TM4SF18: variants seen among roughly 807,000 people sequenced by gnomAD.
TM4SF18 encodes transmembrane 4 L six family member 18, also known as transmembrane 4 L6 family member 18.
TM4SF18 carries 22 observed loss-of-function variants against 23.8 expected under a neutral mutation model. The ratio of observed to expected loss-of-function variants is 0.92; its 90% CI spans 0.66 to 1.32. The LOEUF (loss-of-function observed/expected upper bound fraction) is 1.32. Ranked by LOEUF, TM4SF18 falls within the 40% of genes most tolerant of loss-of-function variation. The pLI, the probability that TM4SF18 is intolerant of heterozygous loss-of-function variation, is 0.00. For missense variants in TM4SF18, 255 were observed against 240.3 expected (o/e 1.06, Z -0.41); for synonymous variants, 87 against 87.9 (o/e 0.99, Z 0.06).
chr3:149,323,830 A>G (rs565096525), intron 4 of TM4SF18, among the ~76,000 whole-genome samples: 2 of 152,290 alleles, frequency 1.3e-5, no homozygotes, highest in South Asian at 4.1e-4. Flanking sequence ...AAAAAGAGCC[A>G]TATTTTTCTT....
At position 149,321,450 on chromosome 3, in the gene TM4SF18, T is replaced by G. The variant is rs1478097810; in HGVS notation, c.*28A>C. The G allele has an allele frequency of 1.3e-6, 2 of 1,535,588 alleles. No homozygotes were observed. Among genetic ancestry groups the G allele is most frequent in the Non-Finnish European group, 1.8e-6 (2 of 1,125,614 alleles). On this transcript the variant is annotated 3_prime_UTR_variant, in exon 6 of 6. Coordinates refer to ENST00000296059, the MANE Select transcript of TM4SF18 (RefSeq NM_138786.4). ...TAATATTTAGATAGATGGCCATGTCTTGATAATGGAAAACATTTTGTCCTT... is the reference window on the plus strand; with the variant it reads ...TAATATTTAGATAGATGGCCATGTCGTGATAATGGAAAACATTTTGTCCTT...
At position 149,318,505 on chromosome 3, in the gene TM4SF18, T is replaced by C. The variant is rs1326290940; in HGVS notation, c.*2973A>G. 1 of 152,214 alleles carries C rather than the reference T, an allele frequency of 6.6e-6. No homozygotes were observed. The highest frequency in any genetic ancestry group is 1.9e-4 in the East Asian group (1 of 5,206). The allele number at this position is 152,214 out of a possible 1,614,324, so 9.4% of individuals were successfully genotyped here. ...GAAAGAATTAGAGGACCATTGCTTTTTAAATGACATTTATTTTTTCTAATA... is the reference window on the plus strand; with the variant it reads ...GAAAGAATTAGAGGACCATTGCTTTCTAAATGACATTTATTTTTTCTAATA... On this transcript the variant is annotated 3_prime_UTR_variant, in exon 6 of 6. Coordinates refer to ENST00000296059, the MANE Select transcript of TM4SF18 (RefSeq NM_138786.4).
At chr3:149,328,635 A>C (rs1468084003) in intron 3 of TM4SF18, among the ~76,000 whole-genome samples, 1 of 152,186 alleles carries the variant, frequency 6.6e-6, no homozygotes, top group Non-Finnish European at 1.5e-5. Flanking sequence ...TTTACTTTCT[A>C]CTGAAAACTG....
At chr3:149,325,294 A>G (rs543940053) in intron 3 of TM4SF18, among the ~76,000 whole-genome samples, 24 of 152,334 alleles carry the variant, frequency 1.6e-4, no homozygotes, top group Non-Finnish European at 2.5e-4. Flanking sequence ...TATCAAAATA[A>G]TGATCTCCTC....
Position 149,333,273 on chromosome 3 carries a change from T to A in TM4SF18, c.110A>T (p.Tyr37Phe), listed in dbSNP as rs763404743. ...LLYFPNGQTSYASSNKLTNYV... is the reference protein window; with the variant it reads ...LLYFPNGQTSFASSNKLTNYV... ...GTTGGTGAGTTTATTGCTGGATGCA[T>A]AGGAAGTTTGCCCATTCGGGAAATA... Residue 37 changes from tyrosine (Y) to phenylalanine (F), a missense_variant, in exon 2 of 6, where the codon TAT (tyrosine) becomes TTT (phenylalanine). Tyr to Phe is a conservative substitution (Grantham distance 22, BLOSUM62 3). Coordinates refer to ENST00000296059, the MANE Select transcript of TM4SF18 (RefSeq NM_138786.4). The A allele has an allele frequency of 6.2e-7, 1 of 1,613,962 alleles. No homozygotes were observed. Among genetic ancestry groups the A allele is most frequent in the Non-Finnish European group, 8.5e-7 (1 of 1,179,920 alleles).
chr3:149,326,463 G>A (rs752457833), intron 3 of TM4SF18, among the ~76,000 whole-genome samples: 3 of 152,040 alleles, frequency 2.0e-5, no homozygotes, highest in Admixed American at 6.6e-5. Context: ...TTTTCCTCTT[G>A]GCAATTAGTA....
intron 4 of TM4SF18, among the ~76,000 whole-genome samples, chr3:149,322,945 C>T (rs1171550951): frequency 7.2e-6 from 1 of 139,096 alleles, no homozygotes; most frequent in Non-Finnish European, 1.6e-5. Context: ...GCTCTGTCGC[C>T]CAGGCTGGAG....
chr3:149,325,362 T>C (rs979850486), intron 3 of TM4SF18, among the ~76,000 whole-genome samples: 1 of 152,212 alleles, frequency 6.6e-6, no homozygotes, highest in African/African-American at 2.4e-5. Flanking sequence ...ATTGAAGACC[T>C]GTTATTTTCT....
At position 149,324,929 on chromosome 3, in the gene TM4SF18, A is replaced by C; in HGVS notation, c.361T>G (p.Cys121Gly). 2 of 1,614,200 alleles carry C rather than the reference A, an allele frequency of 1.2e-6. No homozygotes were observed. The highest frequency in any genetic ancestry group is 1.7e-6 in the Non-Finnish European group (2 of 1,180,026). ...SALGLVQGPY[C>G]RTLDGWEYAF... ...TACTCCCAGCCATCAAGGGTGCGGC[A>C]ATATGGCCCTTGGACAAGACCCAAG... is the stretch of plus-strand genomic sequence containing the variant. The change falls in exon 4 of 6, where the codon TGC becomes GGC. Residue 121 changes from cysteine (C) to glycine (G), a missense_variant. Transcript: ENST00000296059.
chr3:149,328,206 G>A (rs1163401521), intron 3 of TM4SF18, among the ~76,000 whole-genome samples: 1 of 152,142 alleles, frequency 6.6e-6, no homozygotes, highest in Non-Finnish European at 1.5e-5. Flanking sequence ...CACTTCTGGA[G>A]GCTGGAAAGT....
intron 3 of TM4SF18, among the ~76,000 whole-genome samples, chr3:149,327,263 T>C (rs1470085222): frequency 6.6e-6 from 1 of 152,200 alleles, no homozygotes; most frequent in Non-Finnish European, 1.5e-5. Flanking sequence ...AACTATTTTT[T>C]AAACAAGTCT....
chr3:149,325,078 T>C lies in TM4SF18; in HGVS notation c.268-56A>G. The C allele has an allele frequency of 2.6e-6, 4 of 1,561,498 alleles. No homozygotes were observed. In the South Asian group the frequency reaches 3.5e-5, roughly 14 times the overall value. On this transcript the variant is annotated intron_variant, in intron 3 of 5. Coordinates refer to ENST00000296059, the MANE Select transcript of TM4SF18 (RefSeq NM_138786.4). Reference sequence around the variant, plus strand: ...CATAGAATGCGACAAGGGGATATTGTGGATAAATTATCAGATAGCTACATT... The same window carrying C: ...CATAGAATGCGACAAGGGGATATTGCGGATAAATTATCAGATAGCTACATT...
rs1001918776 is a variant in TM4SF18, at chr3:149,319,755, A to G, written c.*1723T>C. The G allele has an allele frequency of 5.9e-5, 9 of 152,176 alleles. No homozygotes were observed. The highest frequency in any genetic ancestry group is 2.6e-4 in the Admixed American group (4 of 15,286). 9.4% of individuals were successfully genotyped at this position (152,176 alleles called of 1,614,324 possible). ...TTAACATGAACCAGATACTCTCTGA[A>G]TGTTGGCTTCCTTCTTCATCCTTTA... On this transcript the variant is annotated 3_prime_UTR_variant, in exon 6 of 6. Transcript: ENST00000296059.
At chr3:149,324,699 T>A (rs1730893421) in intron 4 of TM4SF18, 181 bp downstream of exon 4, 1 of 714,096 alleles carries the variant, frequency 1.4e-6, no homozygotes, top group Non-Finnish European at 2.3e-6. Flanking sequence ...AAGAAAAAAA[T>A]CTAAACAAAG....
intron 5 of TM4SF18, 114 bp from the exon 6 acceptor site, chr3:149,321,606 C>A: frequency 4.9e-6 from 3 of 615,132 alleles, no homozygotes; most frequent in Admixed American, 3.3e-5. Flanking sequence ...TATGATAGAA[C>A]AGAAAAAACA....
At chr3:149,333,482 C>CACTTTT in intron 1 of TM4SF18, 31 bp downstream of exon 1, 1 of 235,250 alleles carries the variant, frequency 4.3e-6, no homozygotes, top group Non-Finnish European at 6.8e-6. Context: ...CTCTCTCTCT[C>CACTTTT]TTTTTTTTTT....
intron 4 of TM4SF18, 168 bp downstream of exon 4, chr3:149,324,712 C>T: frequency 1.3e-6 from 1 of 777,388 alleles, no homozygotes. Flanking sequence ...AAACAAAGAT[C>T]TGTGCAAGAA....
intron 3 of TM4SF18, among the ~76,000 whole-genome samples, chr3:149,325,362 T>G (rs979850486): frequency 6.6e-6 from 1 of 152,212 alleles, no homozygotes; most frequent in Non-Finnish European, 1.5e-5. Context: ...ATTGAAGACC[T>G]GTTATTTTCT....
rs553606769 is a variant in TM4SF18, at chr3:149,326,713, G to A, written c.268-1691C>T. Reference sequence around the variant, plus strand: ...CCTTTGCCTCTGTCTATATTTTCTGGACTCACAGATCTTCTAATTCATTGT... The same window carrying A: ...CCTTTGCCTCTGTCTATATTTTCTGAACTCACAGATCTTCTAATTCATTGT... On this transcript the variant is annotated intron_variant, in intron 3 of 5. Transcript: ENST00000296059. Among the ~76,000 whole-genome samples the A allele has an allele frequency of 1.1e-3, 174 of 152,090 alleles. 1 individual carries two copies. Among genetic ancestry groups the A allele is most frequent in the African/African-American group, 4.1e-3 (171 of 41,492 alleles).
Sources: gnomAD v4.1 joint callset for allele counts (sites outside exome capture counted in the v4.1 genomes callset) on GRCh38, gnomAD v4.1.1 for gene constraint, MANE v1.5 for transcripts, NCBI Gene and HGNC (gene_info 2026-07-23, HGNC 2026-07-21) for gene names.